NAV2: variants seen among roughly 807,000 people sequenced by gnomAD.
NAV2 encodes the protein neuron navigator 2.
A neutral mutation model predicts 223.2 loss-of-function variants in NAV2; 54 were observed. That is an observed-to-expected ratio of 0.24 (90% CI 0.19 to 0.30). NAV2 has a LOEUF of 0.30. Among genes scored for constraint, NAV2 ranks in the 10% least tolerant of loss-of-function variants. The pLI, the probability that NAV2 is intolerant of heterozygous loss-of-function variation, is 1.00. For synonymous variants in NAV2, 1,279 were observed against 1,239.3 expected (o/e 1.03, Z -0.67); for missense variants, 2,806 against 3,147.5 (o/e 0.89, Z 2.60).
intron 30 of NAV2, 96 bp from the exon 31 acceptor site, chr11:20,097,481 A>G: frequency 9.9e-7 from 1 of 1,007,542 alleles, no homozygotes; most frequent in Non-Finnish European, 1.4e-6. Context: ...TCTGAGAAAG[A>G]AGAGAATATG....
chr11:19,721,908 A>T (rs2050776790), intron 1 of NAV2, among the ~76,000 whole-genome samples: 1 of 152,256 alleles, frequency 6.6e-6, no homozygotes, highest in African/African-American at 2.4e-5. Flanking sequence ...AGAAAGAAGA[A>T]AGAAAATGCA....
chr11:19,928,027 G>A (rs2044946515), intron 6 of NAV2, among the ~76,000 whole-genome samples: 1 of 152,136 alleles, frequency 6.6e-6, no homozygotes, highest in East Asian at 1.9e-4. Context: ...AACCATTTCA[G>A]GTTCGTTTTG....
intron 1 of NAV2, among the ~76,000 whole-genome samples, chr11:19,821,073 T>C (rs1195237313): frequency 1.3e-5 from 2 of 152,058 alleles, no homozygotes; most frequent in East Asian, 1.9e-4. Flanking sequence ...CCATCCTGGC[T>C]AACACGGTGA....
chr11:19,535,908 C>T (rs768981174), intron 1 of NAV2, among the ~76,000 whole-genome samples: 5 of 136,414 alleles, frequency 3.7e-5, no homozygotes, highest in Admixed American at 7.3e-5. Context: ...GCTTCTAGAA[C>T]AGAGCAGACT....
intron 1 of NAV2, among the ~76,000 whole-genome samples, chr11:19,438,828 C>T (rs916709878): frequency 2.6e-5 from 4 of 152,024 alleles, no homozygotes; most frequent in Admixed American, 6.5e-5. Context: ...ACCCTCCTGG[C>T]ATGTGGATGC....
intron 11 of NAV2, among the ~76,000 whole-genome samples, chr11:20,016,661 C>G (rs986159158): frequency 1.3e-5 from 2 of 152,186 alleles, no homozygotes; most frequent in South Asian, 2.1e-4. Context: ...AGAGTGAGGT[C>G]CTGCTTCCCT....
At chr11:20,021,693 C>T (rs1481343500) in intron 11 of NAV2, among the ~76,000 whole-genome samples, 1 of 152,194 alleles carries the variant, frequency 6.6e-6, no homozygotes, top group Non-Finnish European at 1.5e-5. Flanking sequence ...TGCCCACCCC[C>T]ACCTCTGCTT....
intron 1 of NAV2, chr11:19,502,790 C>A (rs1476130698): frequency 6.6e-6 from 1 of 152,212 alleles, no homozygotes; most frequent in Non-Finnish European, 1.5e-5. Flanking sequence ...GGCTAGAACA[C>A]CTACATGCAG....
At chr11:20,104,756 A>G (rs2061900826) in intron 34 of NAV2, 1 of 152,208 alleles carries the variant, frequency 6.6e-6, no homozygotes, top group African/African-American at 2.4e-5. Context: ...ATCTGACCAT[A>G]GAACTCTCGT....
intron 1 of NAV2, among the ~76,000 whole-genome samples, chr11:19,695,004 T>C (rs1266154612): frequency 2.0e-5 from 3 of 152,188 alleles, no homozygotes; most frequent in African/African-American, 7.2e-5. Flanking sequence ...CAAAGTGCTA[T>C]CCAGTGCCAC....
In NAV2 at chr11:20,068,455, G is replaced by C. The variant is rs539800426; in HGVS notation, c.4983+57G>C. The C allele has an allele frequency of 9.1e-6, 12 of 1,316,256 alleles. No homozygotes were observed. The East Asian group carries it at 2.8e-4, about 30-fold the overall frequency. 81.5% of individuals were successfully genotyped at this position (1,316,256 alleles called of 1,614,324 possible). A position where few individuals can be genotyped will look rare whatever the true frequency, so the allele number is the denominator to read the frequency against. ...ACAGGAAGCACCATCCTTGCCTTCT[G>C]AACAGCCTCAAGTCCTCCTGTGCTG... On this transcript the variant is annotated intron_variant, in intron 22 of 37. Coordinates refer to ENST00000349880, the MANE Select transcript of NAV2 (RefSeq NM_145117.5).
At chr11:19,407,569 G>T (rs1310050600) in intron 1 of NAV2, among the ~76,000 whole-genome samples, 3 of 152,174 alleles carry the variant, frequency 2.0e-5, no homozygotes, top group African/African-American at 7.2e-5. Flanking sequence ...AATGGGATTT[G>T]CATTTTGGAG....
At position 19,789,173 on chromosome 11, in the gene NAV2, C is replaced by A. The variant is rs118073977; in HGVS notation, c.268-43311C>A. On this transcript the variant is annotated intron_variant, in intron 1 of 37. Transcript: ENST00000349880. ...GTAATTGCAGACCTCTGGAATTATT[C>A]TTCCAATAAAATCAGTAAGAAGCTA... 2.0e-5 allele frequency among the ~76,000 whole-genome samples: 3 copies of A among 152,274 alleles called. No homozygotes were observed. In the East Asian group the frequency reaches 5.8e-4, roughly 29 times the overall value.
chr11:19,911,796 G>A (rs1017523070), intron 6 of NAV2, among the ~76,000 whole-genome samples: 19 of 152,294 alleles, frequency 1.2e-4, no homozygotes, highest in African/African-American at 4.6e-4. Context: ...AAGGAGCTTT[G>A]CTAATAACTT....
At chr11:19,995,350 C>T (rs1035554283) in intron 11 of NAV2, among the ~76,000 whole-genome samples, 1 of 152,184 alleles carries the variant, frequency 6.6e-6, no homozygotes, top group Non-Finnish European at 1.5e-5. Context: ...GATGGTATTT[C>T]AGTTAGGAGT....
At chr11:19,380,586 G>A (rs1457722063) in intron 1 of NAV2, 2 of 152,294 alleles carry the variant, frequency 1.3e-5, no homozygotes, top group Admixed American at 6.5e-5. Flanking sequence ...TCATGACAAA[G>A]CATTGGAGGT....
At chr11:19,942,716 A>G (rs2046502736) in intron 8 of NAV2, among the ~76,000 whole-genome samples, 1 of 152,194 alleles carries the variant, frequency 6.6e-6, no homozygotes, top group African/African-American at 2.4e-5. Flanking sequence ...TGGGTGCAGT[A>G]GCTATACCTG....
At chr11:19,944,994 CATTT>C (rs2046769472) in intron 8 of NAV2, among the ~76,000 whole-genome samples, 1 of 100,564 alleles carries the variant, frequency 9.9e-6, no homozygotes, top group Admixed American at 9.8e-5. Context: ...TTTCCCTTTC[CATTT>C]CCATTTTCCT....
At position 20,106,183 on chromosome 11, in the gene NAV2, G is replaced by GTATATATA. The variant is rs1182631250; in HGVS notation, c.6841+496_6841+503dup. Among the ~76,000 whole-genome samples the GTATATATA allele has an allele frequency of 1.8e-3, 45 of 25,530 alleles. 2 individuals are homozygous for GTATATATA. Among genetic ancestry groups the GTATATATA allele is most frequent in the South Asian group, 4.7e-3 (2 of 426 alleles). The allele number at this position is 25,530 out of a possible 152,430, so 16.7% of individuals were successfully genotyped here. A position where few individuals can be genotyped will look rare whatever the true frequency, so the allele number is the denominator to read the frequency against. ...TATATATATATATATATATGTGTGT[G>GTATATATA]TATATATATATATATATATATATAT... On this transcript the variant is annotated intron_variant, in intron 35 of 37. Coordinates refer to ENST00000349880, the MANE Select transcript of NAV2 (RefSeq NM_145117.5).
Sources: gnomAD v4.1 joint callset for allele counts (sites outside exome capture counted in the v4.1 genomes callset) on GRCh38, gnomAD v4.1.1 for gene constraint, MANE v1.5 for transcripts, NCBI Gene and HGNC (gene_info 2026-07-23, HGNC 2026-07-21) for gene names.